The following QTMAN variants were observed in gnomAD, a reference collection of about 807,000 sequenced individuals.
The protein encoded by QTMAN is tRNA-queuosine alpha-mannosyltransferase.
chr2:144,210,463 A>G, the QTMAN span, among the ~76,000 whole-genome samples: 1 of 152,294 alleles, frequency 6.6e-6, no homozygotes, highest in Non-Finnish European at 1.5e-5. Flanking sequence ...ACCCACCAGG[A>G]ATAGATGAGG....
At chr2:144,015,249 C>T in the QTMAN span, among the ~76,000 whole-genome samples, 1 of 152,240 alleles carries the variant, frequency 6.6e-6, no homozygotes, top group South Asian at 2.1e-4. Flanking sequence ...AAAGAGCTCT[C>T]TAAGAACAAC....
the QTMAN span, among the ~76,000 whole-genome samples, chr2:144,198,601 T>A: frequency 6.6e-6 from 1 of 152,124 alleles, no homozygotes; most frequent in African/African-American, 2.4e-5. Context: ...CATCTCGGGA[T>A]CCAGCTTGCC....
At chr2:144,277,841 C>T in the QTMAN span, among the ~76,000 whole-genome samples, 1 of 152,132 alleles carries the variant, frequency 6.6e-6, no homozygotes, top group Non-Finnish European at 1.5e-5. Flanking sequence ...TTTGTCCTCA[C>T]CACCCACCCA....
At chr2:144,074,964 T>C in the QTMAN span, among the ~76,000 whole-genome samples, 1 of 152,238 alleles carries the variant, frequency 6.6e-6, no homozygotes, top group African/African-American at 2.4e-5. Context: ...TTTTGACATA[T>C]GCTATGTTGC....
the QTMAN span, among the ~76,000 whole-genome samples, chr2:143,983,617 T>TC: frequency 6.6e-6 from 1 of 151,764 alleles, no homozygotes; most frequent in Non-Finnish European, 1.5e-5. Context: ...GGACTACAGG[T>TC]CCCCTGCCAC....
the QTMAN span, among the ~76,000 whole-genome samples, chr2:144,284,913 C>T: frequency 1.3e-5 from 2 of 151,022 alleles, no homozygotes; most frequent in Non-Finnish European, 2.9e-5. Context: ...CCTATAATCC[C>T]GGCACTTTGG....
chr2:143,984,744 C>T, the QTMAN span, among the ~76,000 whole-genome samples: 1 of 152,214 alleles, frequency 6.6e-6, no homozygotes, highest in East Asian at 1.9e-4. Flanking sequence ...AGAGGAGAAG[C>T]AGCAGCTGGA....
At chr2:144,054,604 G>T in the QTMAN span, among the ~76,000 whole-genome samples, 1 of 152,186 alleles carries the variant, frequency 6.6e-6, no homozygotes, top group East Asian at 1.9e-4. Flanking sequence ...TTGGTTGTAA[G>T]GGTTCTGCCT....
chr2:144,103,402 T>C, the QTMAN span, among the ~76,000 whole-genome samples: 9,291 of 152,210 alleles, frequency 0.061, 947 homozygotes, highest in African/African-American at 0.21. Flanking sequence ...AATTCTGGAG[T>C]GCCTTCTAGG....
chr2:144,194,677 G>A, the QTMAN span, among the ~76,000 whole-genome samples: 14 of 152,236 alleles, frequency 9.2e-5, no homozygotes, highest in Admixed American at 3.9e-4. Context: ...TATGAAAAAC[G>A]GAAGGCATTC....
chr2:144,009,252 G>T, the QTMAN span, among the ~76,000 whole-genome samples: 3 of 152,010 alleles, frequency 2.0e-5, no homozygotes, highest in Non-Finnish European at 2.9e-5. Flanking sequence ...AGAATCTAAG[G>T]AGTTGCCTCA....
the QTMAN span, among the ~76,000 whole-genome samples, chr2:144,081,710 C>T: frequency 6.6e-6 from 1 of 152,138 alleles, no homozygotes; most frequent in African/African-American, 2.4e-5. Context: ...AGGGAGACAG[C>T]TACTGTTGGG....
the QTMAN span, among the ~76,000 whole-genome samples, chr2:144,217,249 A>C: frequency 0.02 from 3,086 of 152,166 alleles, 122 homozygotes; most frequent in African/African-American, 0.069. Context: ...AAATATAAAG[A>C]ATATCGGCAT....
At chr2:144,224,715 T>G in the QTMAN span, among the ~76,000 whole-genome samples, 1 of 152,188 alleles carries the variant, frequency 6.6e-6, no homozygotes, top group Non-Finnish European at 1.5e-5. Context: ...AAGACCCTGA[T>G]AAGACACATG....
chr2:144,301,672 A>G, the QTMAN span, among the ~76,000 whole-genome samples: 1 of 152,234 alleles, frequency 6.6e-6, no homozygotes, highest in African/African-American at 2.4e-5. Context: ...TGTACAAAAT[A>G]CAGCCATAAG....
the QTMAN span, among the ~76,000 whole-genome samples, chr2:144,118,594 G>A: frequency 1.6e-4 from 25 of 151,986 alleles, 1 homozygote; most frequent in Admixed American, 9.2e-4. Flanking sequence ...ATAGAAATAC[G>A]GATTGTGGGC....
chr2:144,193,135 C>T, the QTMAN span, among the ~76,000 whole-genome samples: 6 of 151,938 alleles, frequency 3.9e-5, no homozygotes, highest in Non-Finnish European at 5.9e-5. Context: ...GACAACTATA[C>T]ACCTTTTATT....
chr2:144,104,996 G>A, the QTMAN span, among the ~76,000 whole-genome samples: 1 of 152,202 alleles, frequency 6.6e-6, no homozygotes, highest in Non-Finnish European at 1.5e-5. Context: ...AAGGCAAACA[G>A]AGTCTGGAGT....
chr2:144,012,751 A>C, the QTMAN span, among the ~76,000 whole-genome samples: 2 of 152,202 alleles, frequency 1.3e-5, no homozygotes, highest in Non-Finnish European at 2.9e-5. Context: ...CTGTTTCTCA[A>C]AACACATTTG....
Sources: gnomAD v4.1 joint callset for allele counts (sites outside exome capture counted in the v4.1 genomes callset) on GRCh38, gnomAD v4.1.1 for gene constraint, MANE v1.5 for transcripts, NCBI Gene and HGNC (gene_info 2026-07-23, HGNC 2026-07-21) for gene names.